The following IFT56 variants were observed in gnomAD, a reference collection of about 807,000 sequenced individuals.
IFT56 encodes intraflagellar transport protein 56.
At chr7:139,168,257 A>G in the IFT56 span, 2 of 780,580 alleles carry the variant, frequency 2.6e-6, no homozygotes, top group South Asian at 2.7e-5. Context: ...TACTTTATAT[A>G]AAGTATTGAG....
At chr7:139,163,087 G>A in the IFT56 span, among the ~76,000 whole-genome samples, 1 of 152,094 alleles carries the variant, frequency 6.6e-6, no homozygotes, top group East Asian at 1.9e-4. Flanking sequence ...ACTCATGCCT[G>A]TAATCCCAGC....
chr7:139,157,872 T>C, the IFT56 span, among the ~76,000 whole-genome samples: 2 of 152,156 alleles, frequency 1.3e-5, no homozygotes, highest in African/African-American at 4.8e-5. Context: ...TCTCTGTATA[T>C]TGATGTTTTT....
the IFT56 span, among the ~76,000 whole-genome samples, chr7:139,162,565 G>T: frequency 1.3e-5 from 2 of 151,894 alleles, no homozygotes; most frequent in African/African-American, 2.4e-5. Flanking sequence ...AGTTAGATTT[G>T]AGGTCAAAAT....
chr7:139,138,711 T>G, the IFT56 span, among the ~76,000 whole-genome samples: 2 of 152,196 alleles, frequency 1.3e-5, no homozygotes, highest in African/African-American at 2.4e-5. Context: ...ACAATTATAT[T>G]TATATTTTTA....
chr7:139,178,436 TTG>T, the IFT56 span: 2 of 1,482,250 alleles, frequency 1.3e-6, no homozygotes, highest in African/African-American at 2.8e-5. Flanking sequence ...AAGGTTAGTT[TTG>T]TGTTTATCTG....
chr7:139,170,186 C>T, the IFT56 span, among the ~76,000 whole-genome samples: 1 of 152,076 alleles, frequency 6.6e-6, no homozygotes, highest in African/African-American at 2.4e-5. Flanking sequence ...CTGAGCAAAC[C>T]AATAACAAGT....
the IFT56 span, among the ~76,000 whole-genome samples, chr7:139,157,139 C>CTTTTTTTTTTTTTTTTTTTTTTTTTT: frequency 1.2e-5 from 1 of 82,090 alleles, no homozygotes; most frequent in Non-Finnish European, 2.5e-5. Context: ...TCTTTAATTT[C>CTTTTTTTTTTTTTTTTTTTTTTTTTT]TTTTTTTTTT....
At chr7:139,190,251 T>C in the IFT56 span, 1 of 152,356 alleles carries the variant, frequency 6.6e-6, no homozygotes. Flanking sequence ...TTGTTGTTGT[T>C]GTTGTTGTTT....
At chr7:139,181,458 T>C in the IFT56 span, among the ~76,000 whole-genome samples, 1 of 152,350 alleles carries the variant, frequency 6.6e-6, no homozygotes, top group East Asian at 1.9e-4. Flanking sequence ...TAGTCAGCGT[T>C]GATGTACAGA....
the IFT56 span, among the ~76,000 whole-genome samples, chr7:139,165,523 C>A: frequency 6.6e-6 from 1 of 151,992 alleles, no homozygotes; most frequent in African/African-American, 2.4e-5. Flanking sequence ...TCCTCCCCTT[C>A]CCTTACAGTT....
chr7:139,140,447 TG>T, the IFT56 span, among the ~76,000 whole-genome samples: 1 of 133,848 alleles, frequency 7.5e-6, no homozygotes, highest in South Asian at 2.3e-4. Context: ...TCAGGGCGAT[TG>T]TACTCAAATT....
the IFT56 span, chr7:139,179,576 G>A: frequency 1.1e-5 from 17 of 1,613,758 alleles, no homozygotes; most frequent in Admixed American, 5.0e-5. Flanking sequence ...TCTTGCAGGC[G>A]TTCCTCTTGA....
chr7:139,185,599 G>T, the IFT56 span, among the ~76,000 whole-genome samples: 66 of 152,126 alleles, frequency 4.3e-4, 2 homozygotes, highest in African/African-American at 1.4e-3. Context: ...ATTGTTTAAA[G>T]ATGTGTATAC....
the IFT56 span, among the ~76,000 whole-genome samples, chr7:139,161,825 C>G: frequency 6.6e-6 from 1 of 152,122 alleles, no homozygotes; most frequent in Admixed American, 6.5e-5. Flanking sequence ...ATCACAGATA[C>G]AGTTTTATTT....
the IFT56 span, chr7:139,191,822 A>G: frequency 6.6e-6 from 1 of 152,204 alleles, no homozygotes. Context: ...AGACTTAGGC[A>G]TGTAGTGAAA....
At chr7:139,180,120 G>A in the IFT56 span, among the ~76,000 whole-genome samples, 1 of 151,328 alleles carries the variant, frequency 6.6e-6, no homozygotes, top group African/African-American at 2.4e-5. Context: ...GGTGGATCAC[G>A]AGGTCAGGAG....
the IFT56 span, chr7:139,181,062 T>G: frequency 1.4e-6 from 2 of 1,421,696 alleles, no homozygotes; most frequent in Non-Finnish European, 2.0e-6. Flanking sequence ...AATGACTCAT[T>G]TGTTTACAAA....
the IFT56 span, among the ~76,000 whole-genome samples, chr7:139,174,969 C>T: frequency 4.6e-5 from 7 of 151,328 alleles, no homozygotes; most frequent in South Asian, 8.4e-4. Flanking sequence ...TGCAGTGAGC[C>T]GAGGTCACAC....
the IFT56 span, among the ~76,000 whole-genome samples, chr7:139,184,985 T>G: frequency 8.1e-4 from 116 of 143,672 alleles, 1 homozygote; most frequent in African/African-American, 3.0e-3. Flanking sequence ...ACCCGGGAGG[T>G]GGAGCTTGCA....
Sources: allele counts gnomAD v4.1 joint callset (sites outside exome capture counted in the v4.1 genomes callset), GRCh38; gene constraint gnomAD v4.1.1; transcripts MANE v1.5; gene names NCBI Gene and HGNC (gene_info 2026-07-23, HGNC 2026-07-21).